The following CNTN5 variants were observed in gnomAD, a reference collection of about 807,000 sequenced individuals.
CNTN5 encodes the protein contactin 5.
In CNTN5, 77 loss-of-function variants were observed where a neutral mutation model predicts 129.1. That is an observed-to-expected ratio of 0.60 (90% CI 0.50 to 0.72). The LOEUF is 0.72. CNTN5 is among the 30% of genes least tolerant of loss of function. The pLI, the probability that CNTN5 is intolerant of heterozygous loss-of-function variation, is 0.00. For synonymous variants in CNTN5, 509 were observed against 465.6 expected, an observed-to-expected ratio of 1.09 and a Z score of -1.20; for missense variants, 1,478 against 1,328.8, an observed-to-expected ratio of 1.11 and a Z score of -1.75.
At chr11:99,464,009 T>C (rs1455422464) in intron 2 of CNTN5, among the ~76,000 whole-genome samples, 1 of 152,214 alleles carries the variant, frequency 6.6e-6, no homozygotes, top group Non-Finnish European at 1.5e-5. Context: ...AATATTATGA[T>C]GATCATAGTG....
Position 99,950,693 on chromosome 11 carries a change from C to G in CNTN5, c.674-6113C>G, listed in dbSNP as rs1034190433. 3.3e-5 allele frequency among the ~76,000 whole-genome samples: 5 copies of G among 152,270 alleles called. No individual in the cohort carries two copies. The South Asian group carries it at 8.3e-4, about 25-fold the overall frequency. On this transcript the variant is annotated intron_variant, in intron 7 of 24. Transcript: ENST00000524871. ...TGTGCTTTATGCTAGATAGTTTATC[C>G]TGAGCCAATAGCTCCCCTATTGAGC...
At chr11:99,931,538 C>A (rs1190403383) in intron 7 of CNTN5, among the ~76,000 whole-genome samples, 4 of 151,976 alleles carry the variant, frequency 2.6e-5, no homozygotes, top group Non-Finnish European at 5.9e-5. Flanking sequence ...AGGATTTGAC[C>A]CAAGTCCTTA....
At chr11:99,428,603 T>G (rs1186376235) in intron 2 of CNTN5, among the ~76,000 whole-genome samples, 1 of 150,342 alleles carries the variant, frequency 6.7e-6, no homozygotes, top group African/African-American at 2.4e-5. Context: ...TTCTTTAATA[T>G]ATGTATATAT....
intron 6 of CNTN5, among the ~76,000 whole-genome samples, chr11:99,892,877 A>T (rs1348618686): frequency 6.6e-6 from 1 of 152,228 alleles, no homozygotes; most frequent in Non-Finnish European, 1.5e-5. Context: ...AGTCAATGGT[A>T]GCCTGATGGG....
chr11:99,842,889 A>C (rs1459191069), intron 4 of CNTN5, among the ~76,000 whole-genome samples: 1 of 152,122 alleles, frequency 6.6e-6, no homozygotes, highest in African/African-American at 2.4e-5. Flanking sequence ...TGGTACAGTG[A>C]GACATATTCT....
At chr11:99,713,440 A>C (rs1955085880) in intron 3 of CNTN5, among the ~76,000 whole-genome samples, 2 of 152,072 alleles carry the variant, frequency 1.3e-5, no homozygotes, top group African/African-American at 2.4e-5. Flanking sequence ...CGTCATCTGC[A>C]AACAGAGAGA....
At chr11:100,018,252 A>G (rs1162958613) in intron 9 of CNTN5, among the ~76,000 whole-genome samples, 14 of 152,098 alleles carry the variant, frequency 9.2e-5, no homozygotes, top group East Asian at 1.9e-4. Context: ...CATAATAAGC[A>G]TATCCAGTAC....
At chr11:99,145,096 G>A (rs1166248116) in intron 1 of CNTN5, among the ~76,000 whole-genome samples, 2 of 152,058 alleles carry the variant, frequency 1.3e-5, no homozygotes, top group Non-Finnish European at 2.9e-5. Context: ...TTGAGACAGA[G>A]GCTTGCTCTT....
intron 1 of CNTN5, among the ~76,000 whole-genome samples, chr11:99,291,603 T>C (rs2135920656): frequency 6.6e-6 from 1 of 152,158 alleles, no homozygotes; most frequent in Non-Finnish European, 1.5e-5. Context: ...AATAAAAGTG[T>C]ACGATTATAT....
At chr11:99,924,655 G>T (rs544203445) in intron 7 of CNTN5, among the ~76,000 whole-genome samples, 1 of 151,780 alleles carries the variant, frequency 6.6e-6, no homozygotes, top group East Asian at 1.9e-4. Flanking sequence ...GTTTGAAGTG[G>T]TTATCATGCT....
intron 9 of CNTN5, among the ~76,000 whole-genome samples, chr11:100,038,327 G>C (rs1431553764): frequency 6.6e-6 from 1 of 152,208 alleles, no homozygotes; most frequent in East Asian, 1.9e-4. Flanking sequence ...ACTATGGTCT[G>C]AGAGACAGTT....
chr11:99,624,264 G>A (rs1951054405), intron 3 of CNTN5, among the ~76,000 whole-genome samples: 1 of 151,898 alleles, frequency 6.6e-6, no homozygotes, highest in Non-Finnish European at 1.5e-5. Context: ...TGTTTTAATT[G>A]TTGATCCTTT....
intron 13 of CNTN5, among the ~76,000 whole-genome samples, chr11:100,186,880 A>T (rs1013483395): frequency 1.3e-5 from 2 of 152,216 alleles, no homozygotes; most frequent in East Asian, 3.9e-4. Flanking sequence ...CGTGTGCAAT[A>T]ACCAGACATT....
At chr11:99,802,090 TCTC>T in intron 3 of CNTN5, among the ~76,000 whole-genome samples, 1 of 152,356 alleles carries the variant, frequency 6.6e-6, no homozygotes, top group Middle Eastern at 3.4e-3. Context: ...CTTTTCTTGT[TCTC>T]CACCCAGGGT....
chr11:99,477,687 C>G (rs1945429503), intron 2 of CNTN5, among the ~76,000 whole-genome samples: 2 of 151,536 alleles, frequency 1.3e-5, no homozygotes, highest in African/African-American at 4.8e-5. Context: ...CAGTGGCTCA[C>G]ACCTGTAATC....
At chr11:100,239,136 T>C (rs1252456367) in intron 16 of CNTN5, among the ~76,000 whole-genome samples, 2 of 152,208 alleles carry the variant, frequency 1.3e-5, no homozygotes, top group Non-Finnish European at 2.9e-5. Flanking sequence ...CATCTATTTA[T>C]ATTATTAAAT....
At chr11:99,974,885 T>C (rs534463467) in intron 8 of CNTN5, among the ~76,000 whole-genome samples, 92 of 152,358 alleles carry the variant, frequency 6.0e-4, no homozygotes, top group African/African-American at 2.1e-3. Context: ...AAAAATATGC[T>C]GAATCCAGAA....
chr11:99,192,356 A>G (rs1858686306), intron 1 of CNTN5, among the ~76,000 whole-genome samples: 1 of 151,890 alleles, frequency 6.6e-6, no homozygotes, highest in Non-Finnish European at 1.5e-5. Flanking sequence ...AGATTGTTTA[A>G]CTATAAGGTA....
intron 2 of CNTN5, among the ~76,000 whole-genome samples, chr11:99,411,942 T>C (rs1942414042): frequency 6.6e-6 from 1 of 152,174 alleles, no homozygotes; most frequent in African/African-American, 2.4e-5. Flanking sequence ...GACATTTATC[T>C]CCCACATATA....
Sources: gnomAD v4.1 joint callset for allele counts (sites outside exome capture counted in the v4.1 genomes callset) on GRCh38, gnomAD v4.1.1 for gene constraint, MANE v1.5 for transcripts, NCBI Gene and HGNC (gene_info 2026-07-23, HGNC 2026-07-21) for gene names.